The following ZBTB38 variants were observed in gnomAD, a reference collection of about 807,000 sequenced individuals.
The protein encoded by ZBTB38 is zinc finger and BTB domain-containing protein 38.
A neutral mutation model predicts 76.8 loss-of-function variants in ZBTB38; 20 were observed. The observed-to-expected ratio is 0.26, with a 90% CI of 0.18 to 0.38. The LOEUF is 0.38. ZBTB38 is among the 10% of genes least tolerant of loss of function. ZBTB38 has a pLI of 1.00. For synonymous variants in ZBTB38, 504 were observed against 544.2 expected (o/e 0.93, Z 1.03); for missense variants, 1,082 against 1,482.3 (o/e 0.73, Z 4.43).
At chr3:141,357,031 C>T (rs543053654) in intron 1 of ZBTB38, among the ~76,000 whole-genome samples, 1 of 152,120 alleles carries the variant, frequency 6.6e-6, no homozygotes, top group South Asian at 2.1e-4. Context: ...TATATAGAAC[C>T]AATTTGTTTT....
At chr3:141,426,268 C>A in intron 5 of ZBTB38, 1 of 1,080,032 alleles carries the variant, frequency 9.3e-7, no homozygotes. Flanking sequence ...CCTGCCCAGA[C>A]CCTGTCTCCC....
chr3:141,410,074 C>G (rs1354844878), intron 5 of ZBTB38, among the ~76,000 whole-genome samples: 1 of 152,174 alleles, frequency 6.6e-6, no homozygotes, highest in Non-Finnish European at 1.5e-5. Context: ...TTCCTTCCGG[C>G]TCTAAGGTGT....
At chr3:141,329,594 G>A (rs533235139) in intron 1 of ZBTB38, among the ~76,000 whole-genome samples, 11 of 152,304 alleles carry the variant, frequency 7.2e-5, no homozygotes, top group East Asian at 5.8e-4. Context: ...GTTATAAAAC[G>A]TGGTGCCATG....
chr3:141,373,270 AT>A (rs986328884), intron 2 of ZBTB38, among the ~76,000 whole-genome samples: 1 of 152,134 alleles, frequency 6.6e-6, no homozygotes, highest in Non-Finnish European at 1.5e-5. Flanking sequence ...GTATTTTGTT[AT>A]TTTTTTCTAT....
chr3:141,400,554 C>A (rs890755795), intron 4 of ZBTB38, among the ~76,000 whole-genome samples: 1 of 152,178 alleles, frequency 6.6e-6, no homozygotes, highest in African/African-American at 2.4e-5. Flanking sequence ...GTGACCCTGG[C>A]AGATTACCCA....
chr3:141,375,442 G>A (rs1945233412), intron 2 of ZBTB38, among the ~76,000 whole-genome samples: 1 of 152,318 alleles, frequency 6.6e-6, no homozygotes, highest in African/African-American at 2.4e-5. Flanking sequence ...AGATAGGCAT[G>A]CCCGTACTTC....
intron 4 of ZBTB38, among the ~76,000 whole-genome samples, chr3:141,396,083 A>G (rs551920193): frequency 2.6e-5 from 4 of 152,330 alleles, no homozygotes; most frequent in African/African-American, 9.6e-5. Flanking sequence ...AGTGAAGTTT[A>G]CTGCATTTAT....
intron 2 of ZBTB38, among the ~76,000 whole-genome samples, chr3:141,377,718 A>G (rs867513398): frequency 1.3e-5 from 2 of 152,228 alleles, no homozygotes; most frequent in African/African-American, 4.8e-5. Flanking sequence ...TTTTTCAGCA[A>G]GTTAGTGGGT....
intron 1 of ZBTB38, among the ~76,000 whole-genome samples, 182 bp from the exon 2 acceptor site, chr3:141,369,690 G>T (rs771987245): frequency 8.5e-5 from 13 of 152,202 alleles, no homozygotes; most frequent in Non-Finnish European, 1.5e-4. Context: ...ATGTTAAAAT[G>T]ACTGGGAGCG....
chr3:141,383,287 C>A (rs927498376), intron 3 of ZBTB38, among the ~76,000 whole-genome samples: 1 of 152,112 alleles, frequency 6.6e-6, no homozygotes, highest in Non-Finnish European at 1.5e-5. Context: ...GGACTAAATA[C>A]GCTATAGACA....
At chr3:141,383,555 C>G (rs1559928830) in intron 3 of ZBTB38, 1 of 152,166 alleles carries the variant, frequency 6.6e-6, no homozygotes, top group Admixed American at 6.5e-5. Flanking sequence ...TCCTCTGGGA[C>G]TCAGTGCCCT....
rs185624711 is a variant in ZBTB38, at chr3:141,374,048, T to G, written c.-235+4102T>G. On this transcript the variant is annotated intron_variant, in intron 2 of 5. Transcript: ENST00000321464. ...GGGAGGCTGAGGTATGAGAATTGGTTGAACCCAGGAGGCGGAGGTTGTGGT... is the reference window on the plus strand; with the variant it reads ...GGGAGGCTGAGGTATGAGAATTGGTGGAACCCAGGAGGCGGAGGTTGTGGT... Among the ~76,000 whole-genome samples, 536 of 151,784 alleles carry G rather than the reference T, an allele frequency of 3.5e-3. 2 individuals are homozygous for G. The highest frequency in any genetic ancestry group is 0.012 in the African/African-American group (505 of 41,374).
intron 1 of ZBTB38, among the ~76,000 whole-genome samples, chr3:141,342,472 A>G (rs1943227065): frequency 6.6e-6 from 1 of 151,866 alleles, no homozygotes; most frequent in African/African-American, 2.4e-5. Flanking sequence ...TATTCTCTCT[A>G]GTTTTTTGTC....
upstream of ZBTB38, among the ~76,000 whole-genome samples, chr3:141,363,797 C>T (rs1169784828): frequency 6.6e-6 from 1 of 152,072 alleles, no homozygotes; most frequent in Non-Finnish European, 1.5e-5. Flanking sequence ...GAATGTGGAT[C>T]CCTACCTCAC....
chr3:141,437,167 A>T (rs1051330330), intron 5 of ZBTB38, among the ~76,000 whole-genome samples: 2 of 152,148 alleles, frequency 1.3e-5, no homozygotes, highest in Admixed American at 6.5e-5. Context: ...TTCAAGTTCC[A>T]TTCGCAGATT....
At chr3:141,432,196 T>G (rs1191084667) in intron 5 of ZBTB38, 4 of 985,372 alleles carry the variant, frequency 4.1e-6, no homozygotes, top group Non-Finnish European at 2.4e-6. Flanking sequence ...ATATGGCCCC[T>G]GTGCTGGCCC....
chr3:141,369,466 T>C (rs1944227389), intron 1 of ZBTB38, among the ~76,000 whole-genome samples: 2 of 152,380 alleles, frequency 1.3e-5, no homozygotes, highest in South Asian at 2.1e-4. Flanking sequence ...TAAAAACTCA[T>C]AGTTCTTTAC....
chr3:141,426,560 T>C (rs55715186), intron 5 of ZBTB38, among the ~76,000 whole-genome samples: 38,150 of 151,982 alleles, frequency 0.25, 7,924 homozygotes, highest in African/African-American at 0.56. Flanking sequence ...CAGAAGGAAG[T>C]GACCGGTGAA....
intron 5 of ZBTB38, among the ~76,000 whole-genome samples, chr3:141,431,498 A>G (rs1013667894): frequency 6.6e-6 from 1 of 151,646 alleles, no homozygotes; most frequent in Non-Finnish European, 1.5e-5. Flanking sequence ...TGATCCTGAG[A>G]TGAACCCAAG....
Sources: allele counts gnomAD v4.1 joint callset (sites outside exome capture counted in the v4.1 genomes callset), GRCh38; gene constraint gnomAD v4.1.1; transcripts MANE v1.5; gene names NCBI Gene and HGNC (gene_info 2026-07-23, HGNC 2026-07-21).